OIT3: variants seen among roughly 807,000 people sequenced by gnomAD.
The protein encoded by OIT3 is oncoprotein-induced transcript 3 protein.
In OIT3, 41 loss-of-function variants were observed where a neutral mutation model predicts 52.2. The observed-to-expected ratio is 0.79, with a 90% CI of 0.61 to 1.02. The LOEUF (loss-of-function observed/expected upper bound fraction) is 1.02, where lower values mean the gene tolerates loss of function less well. Ranked by LOEUF, OIT3 falls within the 50% of genes least tolerant of loss-of-function variation. OIT3 has a pLI of 0.00. For synonymous variants in OIT3, 244 were observed against 276.9 expected, an observed-to-expected ratio of 0.88 and a Z score of 1.18; for missense variants, 634 against 715.5, an observed-to-expected ratio of 0.89 and a Z score of 1.30.
At chr10:72,918,325 G>T in intron 6 of OIT3, 1 of 768,952 alleles carries the variant, frequency 1.3e-6, no homozygotes, top group Non-Finnish European at 2.4e-6. Flanking sequence ...ACTTTAATTG[G>T]ACTGCCTTCG....
At chr10:72,899,068 C>T in intron 2 of OIT3, 30 bp downstream of exon 2, 1 of 1,565,480 alleles carries the variant, frequency 6.4e-7, no homozygotes, top group Non-Finnish European at 8.7e-7. Flanking sequence ...TCTTTTTCTC[C>T]ACCAACAAGG....
chr10:72,901,377 T>A (rs1845933684), intron 3 of OIT3, among the ~76,000 whole-genome samples: 1 of 152,144 alleles, frequency 6.6e-6, no homozygotes, highest in Non-Finnish European at 1.5e-5. Context: ...GAATTTTATA[T>A]TATGTTGTCT....
chr10:72,910,955 G>T (rs951850445), intron 4 of OIT3, among the ~76,000 whole-genome samples: 3 of 152,052 alleles, frequency 2.0e-5, no homozygotes, highest in African/African-American at 7.2e-5. Flanking sequence ...CTCTGACCTA[G>T]AAGATAATGT....
chr10:72,909,700 G>A (rs558642505), intron 4 of OIT3, among the ~76,000 whole-genome samples: 7 of 152,096 alleles, frequency 4.6e-5, no homozygotes, highest in East Asian at 3.9e-4. Context: ...CAGGTCAAGC[G>A]ATTCTCCTGC....
At chr10:72,927,064 A>G (rs139374591) in intron 7 of OIT3, among the ~76,000 whole-genome samples, 20 of 152,336 alleles carry the variant, frequency 1.3e-4, no homozygotes, top group African/African-American at 4.8e-4. Context: ...GTAACCTACA[A>G]TCTTAGTAGA....
intron 6 of OIT3, among the ~76,000 whole-genome samples, chr10:72,919,302 T>C (rs1202446764): frequency 2.6e-5 from 4 of 152,216 alleles, no homozygotes; most frequent in Non-Finnish European, 4.4e-5. Context: ...ATTGATTTTG[T>C]ATTCTGAGAC....
intron 7 of OIT3, among the ~76,000 whole-genome samples, chr10:72,925,115 C>CA (rs751143274): frequency 0.16 from 5,906 of 37,662 alleles, 499 homozygotes; most frequent in African/African-American, 0.32. Context: ...CCTAAAATCT[C>CA]AAAAAAAAAA....
chr10:72,898,875 C>T lies in OIT3; in HGVS notation c.273C>T (p.Ser91=). Residue 91 remains serine, a synonymous_variant, in exon 2 of 9, where the codon AGC becomes AGT. Coordinates refer to ENST00000334011, the MANE Select transcript of OIT3 (RefSeq NM_152635.3). ...GTHAPVWLNG[S]HPLEGDGIVQ... ...ACGCACCTGTCTGGCTCAATGGCAG[C>T]CACCCCCTAGAAGGCGACGGCATTG... is the stretch of plus-strand genomic sequence containing the variant. The T allele has an allele frequency of 1.2e-6, 2 of 1,614,156 alleles. No homozygotes were observed. The highest frequency in any genetic ancestry group is 1.7e-5 in the Admixed American group (1 of 60,022).
At chr10:72,906,004 G>A (rs1195396439) in intron 3 of OIT3, among the ~76,000 whole-genome samples, 1 of 152,166 alleles carries the variant, frequency 6.6e-6, no homozygotes, top group Admixed American at 6.5e-5. Flanking sequence ...AGAAAGAAAA[G>A]CATAGACATT....
At chr10:72,911,344 A>G (rs1030361581) in intron 4 of OIT3, among the ~76,000 whole-genome samples, 4 of 152,190 alleles carry the variant, frequency 2.6e-5, no homozygotes, top group Non-Finnish European at 5.9e-5. Flanking sequence ...TTTTACATCA[A>G]TAATGCTCTA....
chr10:72,894,535 C>T (rs1390044479), intron 1 of OIT3, among the ~76,000 whole-genome samples: 1 of 152,118 alleles, frequency 6.6e-6, no homozygotes, highest in African/African-American at 2.4e-5. Flanking sequence ...CTAATTGACC[C>T]TGGCTTATTT....
intron 8 of OIT3, among the ~76,000 whole-genome samples, chr10:72,932,004 C>A (rs1846220844): frequency 6.6e-6 from 1 of 152,178 alleles, no homozygotes; most frequent in African/African-American, 2.4e-5. Context: ...CCAATGCTAT[C>A]CCCAGACCTT....
At chr10:72,920,222 G>A (rs1564595080) in intron 6 of OIT3, among the ~76,000 whole-genome samples, 1 of 152,168 alleles carries the variant, frequency 6.6e-6, no homozygotes, top group South Asian at 2.1e-4. Context: ...ATGCATAGAG[G>A]TGTTTATAAT....
At position 72,927,125 on chromosome 10, in the gene OIT3, CATTTTATTTT is replaced by C. The variant is rs913669829; in HGVS notation, c.1367+2496_1367+2505del. The stretch of plus-strand genomic sequence containing the variant: ...ATTATTCAGTCTCTTAGTGAAGGAC[CATTTTATTTT>C]ATTTTATTTTATTTCCTTTTTGAGA... On this transcript the variant is annotated intron_variant, in intron 7 of 8. Transcript: ENST00000334011. 7.9e-5 allele frequency among the ~76,000 whole-genome samples: 12 copies of C among 152,056 alleles called. No individual in the cohort carries two copies. The South Asian group carries it at 2.1e-3, about 26-fold the overall frequency.
At position 72,911,594 on chromosome 10, in the gene OIT3, A is replaced by C. The variant is rs148311247; in HGVS notation, c.668-123A>C. The C allele has an allele frequency of 9.5e-3, 8,932 of 943,918 alleles. 57 individuals carry two copies. The highest frequency in any genetic ancestry group is 0.012 in the Non-Finnish European group (7,602 of 640,078). The allele number at this position is 943,918 out of a possible 1,614,324, so 58.5% of individuals were successfully genotyped here. A position where few individuals can be genotyped will look rare whatever the true frequency, so the allele number is the denominator to read the frequency against. On this transcript the variant is annotated intron_variant, in intron 4 of 8. Coordinates refer to ENST00000334011, the MANE Select transcript of OIT3 (RefSeq NM_152635.3). ...TCCTTGAGGTCTTGCCCGAATGTCC[A>C]GTCACTAGGTTAGGCACCAGGGATG...
chr10:72,926,966 A>C (rs1033684784), intron 7 of OIT3, among the ~76,000 whole-genome samples: 1 of 152,168 alleles, frequency 6.6e-6, no homozygotes, highest in South Asian at 2.1e-4. Context: ...CAAGATAATG[A>C]ACATTTTTCT....
Position 72,900,524 on chromosome 10 carries a change from C to T in OIT3, c.544+40C>T, listed in dbSNP as rs373306689. 222 of 1,122,124 alleles carry T rather than the reference C, an allele frequency of 2.0e-4. 1 individual carries two copies. The highest frequency in any genetic ancestry group is 2.7e-4 in the Non-Finnish European group (202 of 749,554). The allele number at this position is 1,122,124 out of a possible 1,614,324, so 69.5% of individuals were successfully genotyped here. ...AAAGGTAGAATCAGGCTATTAGGAT[C>T]GAAAGGACAAATCAAAAACTCTTCC... On this transcript the variant is annotated intron_variant, in intron 3 of 8. Transcript: ENST00000334011.
Position 72,911,822 on chromosome 10 carries a change from A to G in OIT3, c.773A>G (p.Asp258Gly), listed in dbSNP as rs771925571. Residue 258 changes from aspartate to glycine, a missense_variant, in exon 5 of 9, where the codon GAT (aspartate) becomes GGT (glycine). Physicochemically the swap from Asp to Gly is moderately conservative, Grantham distance 94. Coordinates refer to ENST00000334011, the MANE Select transcript of OIT3 (RefSeq NM_152635.3). ...ECPRGLVLSE[D>G]NHTCQVPVLC... is the part of the protein sequence containing the mutation. ...CCCCGGGGCCTGGTGCTGTCTGAGG[A>G]TAACCACACTTGCCAAGGTAGTACA... 6.2e-7 allele frequency: 1 copy of G among 1,613,478 alleles called. No homozygotes were observed. Among genetic ancestry groups the G allele is most frequent in the Non-Finnish European group, 8.5e-7 (1 of 1,179,670 alleles).
At chr10:72,902,161 C>T (rs1003514633) in intron 3 of OIT3, among the ~76,000 whole-genome samples, 76 of 152,172 alleles carry the variant, frequency 5.0e-4, no homozygotes, top group African/African-American at 1.7e-3. Context: ...TTAGGGATCT[C>T]GTGTGATTGA....
Sources: gnomAD v4.1 joint callset for allele counts (sites outside exome capture counted in the v4.1 genomes callset) on GRCh38, gnomAD v4.1.1 for gene constraint, MANE v1.5 for transcripts, NCBI Gene and HGNC (gene_info 2026-07-23, HGNC 2026-07-21) for gene names.